AOX1: variants seen among roughly 807,000 people sequenced by gnomAD.
AOX1 encodes aldehyde oxidase 1.
Under a neutral mutation model 169.5 loss-of-function variants are expected in AOX1, and 153 were observed. That is an observed-to-expected ratio of 0.90 (90% CI 0.79 to 1.03). The LOEUF is 1.03. Ranked by LOEUF, AOX1 falls within the 50% of genes least tolerant of loss-of-function variation. The pLI is 0.00. For missense variants in AOX1, 1,656 were observed against 1,663.9 expected (o/e 1.00, Z 0.08); for synonymous variants, 562 against 581.9 (o/e 0.97, Z 0.49).
chr2:200,642,598 G>C lies in AOX1; in HGVS notation c.2656-12G>C. On this transcript the variant is annotated splice_polypyrimidine_tract_variant and intron_variant, in intron 24 of 34. Coordinates refer to ENST00000374700, the MANE Select transcript of AOX1 (RefSeq NM_001159.4). ...AGAAGATCTTAATCACATCAACTCT[G>C]GATTTCTCCAGGTGATAGAAATGGG... The C allele has an allele frequency of 6.2e-7, 1 of 1,612,146 alleles. No homozygotes were observed. Among genetic ancestry groups the C allele is most frequent in the East Asian group, 2.2e-5 (1 of 44,834 alleles).
chr2:200,586,018 G>A lies in AOX1; in HGVS notation c.-91G>A. 1.4e-6 allele frequency: 2 copies of A among 1,438,034 alleles called. No homozygotes were observed. Among genetic ancestry groups the A allele is most frequent in the Non-Finnish European group, 1.9e-6 (2 of 1,052,936 alleles). 89.1% of individuals were successfully genotyped at this position (1,438,034 alleles called of 1,614,324 possible). On this transcript the variant is annotated 5_prime_UTR_variant, in exon 1 of 35. Transcript: ENST00000374700. ...GGCTCCAGCAAGCCCCGCCCCACTC[G>A]GCGGGTCGGTGCCGCCGGGTCCCAG...
At position 200,636,925 on chromosome 2, in the gene AOX1, A is replaced by G. The variant is rs561179135; in HGVS notation, c.2361A>G (p.Ser787=). 17 of 1,614,054 alleles carry G rather than the reference A, an allele frequency of 1.1e-5. No homozygotes were observed. The East Asian group carries it at 3.1e-4, about 30-fold the overall frequency. The change falls in exon 22 of 35, where the codon TCA becomes TCG. Residue 787 remains serine (S), a synonymous_variant. Transcript: ENST00000374700. ...FPKYIQDIVA[S]TLKLPANKVM... ...ATTGTTCACAGGACATTGTTGCCTC[A>G]ACCTTGAAGCTCCCAGCTAACAAGG...
At chr2:200,591,846 G>A (rs1051408368) in intron 1 of AOX1, among the ~76,000 whole-genome samples, 4 of 152,056 alleles carry the variant, frequency 2.6e-5, no homozygotes, top group Admixed American at 2.0e-4. Flanking sequence ...TCTCAGGCAG[G>A]TCTTATAATC....
At chr2:200,641,299 TC>T in intron 24 of AOX1, 115 bp downstream of exon 24, 1 of 694,348 alleles carries the variant, frequency 1.4e-6, no homozygotes. Context: ...ATAATGACCA[TC>T]CTTGCAGGGA....
chr2:200,671,073 T>C lies in AOX1; in HGVS notation c.*394T>C, dbSNP rs753265346. ...ATAATTTCATTACTAATATGAACTG[T>C]GAAGTTGTCATTTTTTCATTTGTCC... On this transcript the variant is annotated 3_prime_UTR_variant, in exon 35 of 35. Transcript: ENST00000374700. 6 of 167,090 alleles carry C rather than the reference T, an allele frequency of 3.6e-5. No homozygotes were observed. The highest frequency in any genetic ancestry group is 7.7e-5 in the Non-Finnish European group (6 of 77,756). 10.4% of individuals were successfully genotyped at this position (167,090 alleles called of 1,614,324 possible).
rs753018589 is a variant in AOX1, at chr2:200,636,967, G to T, written c.2403G>T (p.Arg801Ser). 1.4e-5 allele frequency: 22 copies of T among 1,614,134 alleles called. No individual in the cohort carries two copies. Among genetic ancestry groups the T allele is most frequent in the Middle Eastern group, 3.3e-4 (2 of 6,060 alleles). Residue 801 changes from arginine to serine, a missense_variant, in exon 22 of 35, where the codon AGG (arginine) becomes AGT (serine). By Grantham distance (110) the Arg-to-Ser change is moderately radical. Coordinates refer to ENST00000374700, the MANE Select transcript of AOX1 (RefSeq NM_001159.4). Reference protein sequence around the residue: ...LPANKVMCHVRRVGGAFGGKV... With the variant: ...LPANKVMCHVSRVGGAFGGKV... ...CTAACAAGGTCATGTGCCATGTAAG[G>T]CGTGTTGGTGGAGCGTTTGGAGGGA...
rs776407122 is a variant in AOX1, at chr2:200,602,268, G to A, written c.437-16G>A. The A allele has an allele frequency of 6.2e-6, 10 of 1,613,170 alleles. No homozygotes were observed. The highest frequency in any genetic ancestry group is 5.9e-6 in the Non-Finnish European group (7 of 1,179,470). On this transcript the variant is annotated splice_polypyrimidine_tract_variant and intron_variant, in intron 5 of 34. Coordinates refer to ENST00000374700, the MANE Select transcript of AOX1 (RefSeq NM_001159.4). ...CTGGGTCACTTGGCTAACAGAGCTG[G>A]GTTTTTCTCCTTCAGGTAACCTGTG... is the stretch of plus-strand genomic sequence containing the variant.
chr2:200,661,031 C>T (rs950541111), intron 29 of AOX1, among the ~76,000 whole-genome samples: 9 of 152,194 alleles, frequency 5.9e-5, no homozygotes, highest in Non-Finnish European at 1.5e-5. Flanking sequence ...CATTCCTAGA[C>T]TTAGGGACTT....
exon 5 of AOX1, chr2:200,676,913 A>G (rs1462491826): frequency 2.1e-6 from 1 of 470,812 alleles, no homozygotes; most frequent in Non-Finnish European, 4.4e-6. Context: ...GGACACAGGA[A>G]CAGGTGCTTT....
rs146385571 is a variant in AOX1 at position 200,633,099 on chromosome 2, G to A, written c.2222-1692G>A. ...TTTAGTAGAGACAGGGTTTCACCAC[G>A]AAAGTACTTTTCTCCTATAGATGAA... On this transcript the variant is annotated intron_variant, in intron 20 of 34. Transcript: ENST00000374700. 2.7e-3 allele frequency among the ~76,000 whole-genome samples: 417 copies of A among 152,074 alleles called. 3 individuals carry two copies. Among genetic ancestry groups the A allele is most frequent in the African/African-American group, 9.3e-3 (386 of 41,486 alleles).
intron 4 of AOX1, 40 bp from the exon 5 acceptor site, chr2:200,599,580 G>A (rs376449125): frequency 2.7e-4 from 426 of 1,560,974 alleles, no homozygotes; most frequent in Non-Finnish European, 3.6e-4. Flanking sequence ...CCTGGGATGG[G>A]GCCCCAAATT....
chr2:200,616,411 G>A (rs189172534), intron 16 of AOX1, among the ~76,000 whole-genome samples: 36 of 152,346 alleles, frequency 2.4e-4, no homozygotes, highest in South Asian at 2.1e-4. Context: ...CACGCTCTGC[G>A]GCAAGGCCAT....
intron 15 of AOX1, among the ~76,000 whole-genome samples, chr2:200,614,378 G>T (rs1427638611): frequency 6.6e-6 from 1 of 152,166 alleles, no homozygotes; most frequent in Admixed American, 6.6e-5. Context: ...CCATAAGGTG[G>T]CCATGATGGC....
At chr2:200,614,012 G>C (rs771660196) in intron 15 of AOX1, 46 bp downstream of exon 15, 1 of 1,566,088 alleles carries the variant, frequency 6.4e-7, no homozygotes, top group African/African-American at 1.4e-5. Context: ...TGGGAGCTAT[G>C]ATGACACCAA....
downstream of AOX1, among the ~76,000 whole-genome samples, chr2:200,680,663 A>C (rs909552236): frequency 6.6e-6 from 1 of 152,140 alleles, no homozygotes; most frequent in Non-Finnish European, 1.5e-5. Flanking sequence ...CTCCTGCCTC[A>C]GCCTCATGAG....
downstream of AOX1, among the ~76,000 whole-genome samples, chr2:200,674,728 A>G (rs780559737): frequency 1.3e-5 from 2 of 152,316 alleles, no homozygotes; most frequent in Non-Finnish European, 1.5e-5. Context: ...TGAACATCCA[A>G]TCTGCTTCCA....
At position 200,661,610 on chromosome 2, in the gene AOX1, T is replaced by C; in HGVS notation, c.3407T>C (p.Leu1136Pro). Residue 1136 changes from leucine to proline, a missense_variant, in exon 30 of 35, where the codon CTT (leucine) becomes CCT (proline). Transcript: ENST00000374700. ...ACTGCTTTTGATGAAAGCATTAACC[T>C]TTCAGCTGTTGGATACTTCAGGTAA... is the stretch of plus-strand genomic sequence containing the variant. Reference protein sequence around the residue: ...AQTAFDESINLSAVGYFRGYE... With the variant: ...AQTAFDESINPSAVGYFRGYE... The C allele has an allele frequency of 6.2e-7, 1 of 1,613,066 alleles. No homozygotes were observed. Among genetic ancestry groups the C allele is most frequent in the Non-Finnish European group, 8.5e-7 (1 of 1,179,188 alleles).
At chr2:200,588,726 CTTTTTTTT>C (rs71807461) in intron 1 of AOX1, among the ~76,000 whole-genome samples, 1 of 53,986 alleles carries the variant, frequency 1.9e-5, no homozygotes, top group African/African-American at 6.2e-5. Flanking sequence ...CTAGAATAAG[CTTTTTTTT>C]TTTTTTTTTT....
At chr2:200,595,008 C>T (rs1342736940) in intron 2 of AOX1, among the ~76,000 whole-genome samples, 2 of 152,080 alleles carry the variant, frequency 1.3e-5, no homozygotes, top group African/African-American at 4.8e-5. Context: ...CTTCTTTTTT[C>T]AGTTCAGCCC....
Sources: allele counts gnomAD v4.1 joint callset (sites outside exome capture counted in the v4.1 genomes callset), GRCh38; gene constraint gnomAD v4.1.1; transcripts MANE v1.5; gene names NCBI Gene and HGNC (gene_info 2026-07-23, HGNC 2026-07-21).